The following TBXAS1 variants were observed in gnomAD, a reference collection of about 807,000 sequenced individuals.
The protein encoded by TBXAS1 is thromboxane A synthase 1.
TBXAS1 carries 48 observed loss-of-function variants against 60.7 expected under a neutral mutation model. That is an observed-to-expected ratio of 0.79 (90% CI 0.63 to 1.01). The LOEUF is 1.01. Among genes scored for constraint, TBXAS1 ranks in the 50% least tolerant of loss-of-function variants. The probability of loss-of-function intolerance (pLI) is 0.00; values close to 1 mark genes in which losing one functional copy is unlikely to be tolerated. For synonymous variants in TBXAS1, 287 were observed against 269.7 expected (o/e 1.06, Z -0.63); for missense variants, 685 against 686.3 (o/e 1.00, Z 0.02).
chr7:139,897,042 C>T (rs141574919), intron 3 of TBXAS1, among the ~76,000 whole-genome samples: 2 of 152,250 alleles, frequency 1.3e-5, no homozygotes, highest in Non-Finnish European at 2.9e-5. Context: ...GACGTTGGAG[C>T]TGGAATACAG....
chr7:139,950,653 A>ACTCCCTCACCCTCCATCTACG (rs1809135696), intron 5 of TBXAS1, among the ~76,000 whole-genome samples: 1 of 150,214 alleles, frequency 6.7e-6, no homozygotes, highest in Admixed American at 6.7e-5. Flanking sequence ...TTTGATCTAC[A>ACTCCCTCACCCTCCATCTACG]GGACTCCCTC....
intron 1 of TBXAS1, among the ~76,000 whole-genome samples, chr7:139,844,541 C>T (rs987110722): frequency 6.6e-6 from 1 of 152,200 alleles, no homozygotes; most frequent in Admixed American, 6.5e-5. Context: ...CAAAGAAACT[C>T]GACATTTTCC....
intron 5 of TBXAS1, among the ~76,000 whole-genome samples, chr7:139,944,728 G>A (rs1264763082): frequency 2.0e-5 from 3 of 152,020 alleles, no homozygotes; most frequent in Non-Finnish European, 2.9e-5. Flanking sequence ...CTTCGTGTGT[G>A]GATCAACAAG....
intron 3 of TBXAS1, among the ~76,000 whole-genome samples, chr7:139,878,897 G>A (rs975968704): frequency 6.6e-6 from 1 of 152,102 alleles, no homozygotes; most frequent in African/African-American, 2.4e-5. Flanking sequence ...CACTGTTGAT[G>A]CCGTGTAGAG....
At chr7:139,926,048 C>T (rs1287725858) in intron 4 of TBXAS1, among the ~76,000 whole-genome samples, 7 of 152,036 alleles carry the variant, frequency 4.6e-5, no homozygotes, top group African/African-American at 1.2e-4. Flanking sequence ...ATTTTGTTAA[C>T]GATTTTTGCA....
intron 5 of TBXAS1, among the ~76,000 whole-genome samples, chr7:139,940,251 G>C (rs1022423749): frequency 2.6e-5 from 4 of 152,164 alleles, no homozygotes; most frequent in Non-Finnish European, 5.9e-5. Context: ...TGGAAGATGG[G>C]TGGAGGGGAC....
chr7:139,868,275 G>T (rs910189707), intron 1 of TBXAS1, among the ~76,000 whole-genome samples: 2 of 152,120 alleles, frequency 1.3e-5, no homozygotes, highest in Non-Finnish European at 2.9e-5. Context: ...AATGGCACAG[G>T]ACTTAATAAC....
At chr7:139,821,944 C>T (rs1415111882) in intron 4 of TBXAS1, among the ~76,000 whole-genome samples, 3 of 152,178 alleles carry the variant, frequency 2.0e-5, no homozygotes, top group Non-Finnish European at 4.4e-5. Context: ...TGCAACTGTC[C>T]GCCAGTGGCT....
In TBXAS1 at chr7:139,803,637, A is replaced by G. The variant is rs183895517; in HGVS notation, c.-80+16211A>G. On this transcript the variant is annotated intron_variant, in intron 4 of 16. Coordinates refer to the TBXAS1 transcript ENST00000336425. The stretch of plus-strand genomic sequence containing the variant: ...CACAGGCCCAGAGGTCTAGGGGGAA[A>G]AAATGGTTTCCTGGGCCAGGCCCAG... 1.2e-4 allele frequency among the ~76,000 whole-genome samples: 19 copies of G among 152,238 alleles called. No individual in the cohort carries two copies. In the East Asian group the frequency reaches 3.7e-3, roughly 29 times the overall value.
chr7:139,810,040 CTT>C (rs374225998), intron 4 of TBXAS1, among the ~76,000 whole-genome samples: 11 of 145,796 alleles, frequency 7.5e-5, no homozygotes, highest in Admixed American at 2.1e-4. Flanking sequence ...TGGAAATTAA[CTT>C]TTTTTTTTTT....
At chr7:139,962,303 GA>G in intron 9 of TBXAS1, 70 bp downstream of exon 9, 1 of 1,571,844 alleles carries the variant, frequency 6.4e-7, no homozygotes, top group Non-Finnish European at 8.7e-7. Flanking sequence ...TTGTGGGAGT[GA>G]AACTTATTTT....
At chr7:140,016,068 C>T (rs1232993680) in intron 11 of TBXAS1, among the ~76,000 whole-genome samples, 1 of 152,130 alleles carries the variant, frequency 6.6e-6, no homozygotes, top group Non-Finnish European at 1.5e-5. Context: ...GTGGCTCATG[C>T]CTGTAATCCC....
rs1465859213 is a variant in TBXAS1, at chr7:140,013,481, T to C, written c.1227-2242T>C. On this transcript the variant is annotated intron_variant, in intron 10 of 12. Coordinates refer to ENST00000448866, the MANE Select transcript of TBXAS1 (RefSeq NM_001061.7). This position sits in a 1 kb window ranked among gnomAD's most constrained non-coding sequence, Gnocchi z 4.2. ...ACAAGGTACAAGCTTAAGAGAGCCA[T>C]GCCGGGATTTCAAGTTGCAAGGAAG... is the stretch of plus-strand genomic sequence containing the variant. 6.6e-6 allele frequency among the ~76,000 whole-genome samples: 1 copy of C among 152,126 alleles called. No individual in the cohort carries two copies. The highest frequency in any genetic ancestry group is 1.5e-5 in the Non-Finnish European group (1 of 68,020).
intron 4 of TBXAS1, among the ~76,000 whole-genome samples, chr7:139,804,115 C>G (rs1164643194): frequency 2.6e-5 from 4 of 152,212 alleles, no homozygotes; most frequent in Non-Finnish European, 5.9e-5. Context: ...GGGAAAGCAG[C>G]CAGAAGGGGG....
At chr7:139,992,720 C>A (rs2117609009) in intron 9 of TBXAS1, among the ~76,000 whole-genome samples, 1 of 152,366 alleles carries the variant, frequency 6.6e-6, no homozygotes, top group African/African-American at 2.4e-5. Context: ...CCCTCAGAAG[C>A]ACTCAGCTCG....
intron 9 of TBXAS1, among the ~76,000 whole-genome samples, chr7:139,998,370 C>T (rs1330342879): frequency 1.3e-5 from 2 of 152,012 alleles, no homozygotes; most frequent in Non-Finnish European, 2.9e-5. Flanking sequence ...TGTTATTCTT[C>T]CATAAAATGT....
intron 4 of TBXAS1, among the ~76,000 whole-genome samples, chr7:139,924,972 A>T (rs2117124935): frequency 6.6e-6 from 1 of 152,176 alleles, no homozygotes; most frequent in Non-Finnish European, 1.5e-5. Context: ...CTGTAGATGT[A>T]TAGATTTGTT....
chr7:139,899,002 T>A (rs1804346396), intron 3 of TBXAS1, among the ~76,000 whole-genome samples: 1 of 148,708 alleles, frequency 6.7e-6, no homozygotes, highest in African/African-American at 2.5e-5. Context: ...AGTGACAAAT[T>A]CTCCCTCTCC....
Position 140,007,212 on chromosome 7 carries a change from T to G in TBXAS1, c.1226+30T>G, listed in dbSNP as rs749945478. The G allele has an allele frequency of 1.9e-6, 3 of 1,599,174 alleles. No individual in the cohort carries two copies. The South Asian group carries it at 3.3e-5, about 18-fold the overall frequency. ...GTGGTAGCCCCCTCCCCTGCCCGAG[T>G]CCCCACCTCCTACCCCTACCCCCTG... is the stretch of plus-strand genomic sequence containing the variant. On this transcript the variant is annotated intron_variant, in intron 10 of 12. Coordinates refer to ENST00000448866, the MANE Select transcript of TBXAS1 (RefSeq NM_001061.7).
Sources: allele counts gnomAD v4.1 joint callset (sites outside exome capture counted in the v4.1 genomes callset), GRCh38; gene constraint gnomAD v4.1.1; non-coding constraint Gnocchi (gnomAD v3.1); transcripts MANE v1.5; gene names NCBI Gene and HGNC (gene_info 2026-07-23, HGNC 2026-07-21).